Variants in S100Z observed in about 807,000 individuals in gnomAD.
The protein encoded by S100Z is protein S100-Z.
A neutral mutation model predicts 8.5 loss-of-function variants in S100Z; 11 were observed. The observed-to-expected ratio is 1.30, with a 90% CI of 0.82 to 2.15. The LOEUF is 2.15. Among genes scored for constraint, S100Z ranks in the 30% most tolerant of loss-of-function variants. The probability of loss-of-function intolerance (pLI) is 0.00; values close to 1 mark genes in which losing one functional copy is unlikely to be tolerated. For synonymous variants in S100Z, 34 were observed against 43.8 expected (o/e 0.78, Z 0.89); for missense variants, 126 against 117.9 (o/e 1.07, Z -0.32).
chr5:76,919,005 T>C (rs1025411697), intron 4 of S100Z, among the ~76,000 whole-genome samples: 6 of 152,264 alleles, frequency 3.9e-5, no homozygotes, highest in African/African-American at 1.4e-4. Context: ...CTTCGTGGCT[T>C]TTCATGGCTT....
intron 1 of S100Z, among the ~76,000 whole-genome samples, chr5:76,859,403 T>C (rs1437438272): frequency 6.6e-6 from 1 of 152,176 alleles, no homozygotes; most frequent in Non-Finnish European, 1.5e-5. Flanking sequence ...CGAGGTCTTT[T>C]GGAGACAGGT....
At chr5:76,950,585 A>G in the S100Z span, among the ~76,000 whole-genome samples, 1,943 of 152,296 alleles carry the variant, frequency 0.013, 37 homozygotes, top group African/African-American at 0.044. Context: ...GACCCAAAAA[A>G]CACCTATCCG....
At chr5:76,927,153 T>G in the S100Z span, among the ~76,000 whole-genome samples, 2 of 152,206 alleles carry the variant, frequency 1.3e-5, no homozygotes. Context: ...TGGAAATAAT[T>G]GTTGTTCAGG....
chr5:76,924,618 T>C (rs151273659), downstream of S100Z, among the ~76,000 whole-genome samples: 239 of 152,268 alleles, frequency 1.6e-3, no homozygotes, highest in Middle Eastern at 0.014. Flanking sequence ...TTAACAAAGA[T>C]ACATTTATGG....
At chr5:76,936,657 A>ACACACACAC in the S100Z span, among the ~76,000 whole-genome samples, 19 of 111,924 alleles carry the variant, frequency 1.7e-4, no homozygotes, top group Non-Finnish European at 3.0e-4. Flanking sequence ...ACACACACAC[A>ACACACACAC]ACCATGAAGG....
chr5:76,932,178 T>C, the S100Z span, among the ~76,000 whole-genome samples: 1 of 152,200 alleles, frequency 6.6e-6, no homozygotes, highest in African/African-American at 2.4e-5. Flanking sequence ...AGGAGATTTG[T>C]TGCTGTTGTT....
chr5:76,860,331 G>A (rs533009650), intron 1 of S100Z, among the ~76,000 whole-genome samples: 2 of 152,172 alleles, frequency 1.3e-5, no homozygotes, highest in East Asian at 3.9e-4. Context: ...GAAAACAGAG[G>A]GAAAATATGG....
chr5:76,950,143 G>T, the S100Z span, among the ~76,000 whole-genome samples: 1 of 152,164 alleles, frequency 6.6e-6, no homozygotes, highest in Non-Finnish European at 1.5e-5. Flanking sequence ...TCAACTAATC[G>T]ATTAATCAGG....
At chr5:76,888,589 G>T (rs1376820937) in intron 4 of S100Z, among the ~76,000 whole-genome samples, 1 of 151,832 alleles carries the variant, frequency 6.6e-6, no homozygotes, top group Non-Finnish European at 1.5e-5. Context: ...TGTTAGCCAG[G>T]ATGGTCTCGA....
In S100Z at chr5:76,899,644, G is replaced by A. The variant is rs116051214; in HGVS notation, c.*3-21073G>A. Among the ~76,000 whole-genome samples the A allele has an allele frequency of 6.3e-3, 952 of 152,058 alleles. 9 individuals are homozygous for A. Among genetic ancestry groups the A allele is most frequent in the Non-Finnish European group, 0.011 (727 of 67,986 alleles). ...AACATAAAAACTCTATGCCCTTAAC[G>A]TTGTCCTCCTGCTTTTTAACTTTTT... On this transcript the variant is annotated intron_variant, in intron 4 of 4. Transcript: ENST00000317593.
At chr5:76,869,561 G>A (rs2150633265) in intron 1 of S100Z, among the ~76,000 whole-genome samples, 1 of 152,302 alleles carries the variant, frequency 6.6e-6, no homozygotes, top group Admixed American at 6.5e-5. Flanking sequence ...GTGTTGATTT[G>A]TGATTTAGAT....
chr5:76,863,518 T>C (rs1488251485), intron 1 of S100Z, among the ~76,000 whole-genome samples: 6 of 152,202 alleles, frequency 3.9e-5, no homozygotes, highest in Non-Finnish European at 2.9e-5. Flanking sequence ...TCAATTATAT[T>C]ATCTCTTATT....
At chr5:76,871,234 C>T (rs376127437) in intron 2 of S100Z, among the ~76,000 whole-genome samples, 4 of 152,078 alleles carry the variant, frequency 2.6e-5, no homozygotes, top group Non-Finnish European at 5.9e-5. Flanking sequence ...CCTGTAAAGC[C>T]GTCTTTTATG....
the S100Z span, among the ~76,000 whole-genome samples, chr5:76,948,079 A>G: frequency 1.3e-5 from 2 of 152,136 alleles, no homozygotes; most frequent in Non-Finnish European, 2.9e-5. Context: ...TAATCCCAGC[A>G]GTTTGGGAGG....
At chr5:76,868,693 G>A (rs1286717241) in intron 1 of S100Z, among the ~76,000 whole-genome samples, 5 of 144,472 alleles carry the variant, frequency 3.5e-5, no homozygotes, top group African/African-American at 5.2e-5. Context: ...GCATTATCTC[G>A]GCTCACGGTA....
intron 1 of S100Z, among the ~76,000 whole-genome samples, chr5:76,865,388 G>A (rs1486630886): frequency 6.6e-6 from 1 of 151,718 alleles, no homozygotes; most frequent in African/African-American, 2.4e-5. Context: ...GGGATTACAG[G>A]TGCACACCAC....
the S100Z span, among the ~76,000 whole-genome samples, chr5:76,937,081 C>A: frequency 6.6e-6 from 1 of 152,164 alleles, no homozygotes; most frequent in Non-Finnish European, 1.5e-5. Flanking sequence ...CCCTCCCTGA[C>A]CTTTCCACTC....
At chr5:76,867,614 T>C (rs888684400) in intron 1 of S100Z, among the ~76,000 whole-genome samples, 14 of 147,036 alleles carry the variant, frequency 9.5e-5, no homozygotes, top group Non-Finnish European at 1.4e-4. Context: ...TTTTTTGAGG[T>C]GGGGTCTCAC....
At chr5:76,855,827 A>G (rs952438350) in intron 1 of S100Z, among the ~76,000 whole-genome samples, 2 of 152,124 alleles carry the variant, frequency 1.3e-5, no homozygotes, top group African/African-American at 4.8e-5. Flanking sequence ...AGCCAGAATG[A>G]TATGGTTTGG....
Sources: allele counts gnomAD v4.1 joint callset (sites outside exome capture counted in the v4.1 genomes callset), GRCh38; gene constraint gnomAD v4.1.1; transcripts MANE v1.5; gene names NCBI Gene and HGNC (gene_info 2026-07-23, HGNC 2026-07-21).